The following ATP8B4 variants were observed in gnomAD, a reference collection of about 807,000 sequenced individuals.
The protein encoded by ATP8B4 is ATPase phospholipid transporting 8B4 (putative).
ATP8B4 carries 133 observed loss-of-function variants against 145.6 expected under a neutral mutation model. That is an observed-to-expected ratio of 0.91 (90% CI 0.79 to 1.05). The LOEUF is 1.05. Among genes scored for constraint, ATP8B4 ranks in the 50% least tolerant of loss-of-function variants. ATP8B4 has a pLI of 0.00. For missense variants in ATP8B4, 1,458 were observed against 1,425.2 expected (o/e 1.02, Z -0.37); for synonymous variants, 507 against 492.9 (o/e 1.03, Z -0.38).
intron 3 of ATP8B4, among the ~76,000 whole-genome samples, chr15:50,073,490 T>A (rs539371930): frequency 6.6e-6 from 1 of 152,294 alleles, no homozygotes; most frequent in East Asian, 1.9e-4. Flanking sequence ...TATGCCCAAA[T>A]CATGGGCATT....
intron 23 of ATP8B4, among the ~76,000 whole-genome samples, chr15:49,888,263 C>T (rs1267189649): frequency 6.6e-6 from 1 of 152,164 alleles, no homozygotes; most frequent in Non-Finnish European, 1.5e-5. Context: ...CAGGTGGAGA[C>T]GGGCTCACAG....
chr15:50,157,887 T>C (rs1408710374), intron 1 of ATP8B4, among the ~76,000 whole-genome samples: 6 of 152,216 alleles, frequency 3.9e-5, no homozygotes, highest in African/African-American at 1.4e-4. Context: ...GCCCAGTGCC[T>C]GCGATTGCAG....
At chr15:50,002,767 C>G (rs1599740250) in intron 7 of ATP8B4, among the ~76,000 whole-genome samples, 1 of 151,756 alleles carries the variant, frequency 6.6e-6, no homozygotes, top group Non-Finnish European at 1.5e-5. Flanking sequence ...AAGAGGAGAG[C>G]TAAGATAAAG....
chr15:50,110,524 T>C (rs2056886622), intron 1 of ATP8B4, among the ~76,000 whole-genome samples: 1 of 152,160 alleles, frequency 6.6e-6, no homozygotes, highest in South Asian at 2.1e-4. Flanking sequence ...TTAAACAAAA[T>C]CAGTTGAAAG....
At chr15:50,128,777 AG>A (rs1367444833) in intron 1 of ATP8B4, among the ~76,000 whole-genome samples, 1 of 152,230 alleles carries the variant, frequency 6.6e-6, no homozygotes, top group Admixed American at 6.5e-5. Flanking sequence ...AAAGTTAAGT[AG>A]GCTGGGCGCA....
At chr15:49,989,682 G>A (rs1473931785) in intron 9 of ATP8B4, among the ~76,000 whole-genome samples, 1 of 152,032 alleles carries the variant, frequency 6.6e-6, no homozygotes, top group African/African-American at 2.4e-5. Context: ...CTTTCTCAAA[G>A]AGTGTGGTCT....
chr15:50,156,107 A>AATATATTTATATAT (rs1567410586), intron 1 of ATP8B4, among the ~76,000 whole-genome samples: 1 of 27,116 alleles, frequency 3.7e-5, no homozygotes, highest in Non-Finnish European at 8.4e-5. Context: ...TATATATATA[A>AATATATTTATATAT]ATATATATAT....
In ATP8B4 at chr15:49,918,831, C is replaced by A. The variant is rs369353211; in HGVS notation, c.2035+8G>T. 1.3e-6 allele frequency: 2 copies of A among 1,582,328 alleles called. No homozygotes were observed. The highest frequency in any genetic ancestry group is 1.4e-5 in the African/African-American group (1 of 73,992). On this transcript the variant is annotated splice_region_variant and intron_variant, in intron 19 of 27. Transcript: ENST00000284509. ...TCAAAATATCATCAACATCCATTTT[C>A]AAGTTACCTTGTTTGTCTCCTGTTA...
At chr15:50,124,611 GAA>G (rs56206515) in intron 1 of ATP8B4, among the ~76,000 whole-genome samples, 1 of 151,048 alleles carries the variant, frequency 6.6e-6, no homozygotes, top group African/African-American at 2.4e-5. Context: ...TTTTTAAAAA[GAA>G]AAAAAAAGAT....
At position 49,983,216 on chromosome 15, in the gene ATP8B4, A is replaced by G. The variant is rs77815043; in HGVS notation, c.749-1922T>C. On this transcript the variant is annotated intron_variant, in intron 10 of 27. Coordinates refer to ENST00000284509, the MANE Select transcript of ATP8B4 (RefSeq NM_024837.4). ...CTGTTCCTCTGAGCTTTAAATCTAT[A>G]TATTTAAACCTACGTATTTTGTTGC... Among the ~76,000 whole-genome samples, 1,034 of 152,292 alleles carry G rather than the reference A, an allele frequency of 6.8e-3. 18 individuals carry two copies. The highest frequency in any genetic ancestry group is 0.024 in the African/African-American group (979 of 41,560).
chr15:49,913,506 G>T (rs977672223), intron 20 of ATP8B4, among the ~76,000 whole-genome samples: 1 of 151,996 alleles, frequency 6.6e-6, no homozygotes, highest in African/African-American at 2.4e-5. Context: ...CAACATAACT[G>T]AAATTCCTAG....
At chr15:49,876,625 C>T in intron 24 of ATP8B4, 102 bp from the exon 25 acceptor site, 1 of 1,456,490 alleles carries the variant, frequency 6.9e-7, no homozygotes, top group Non-Finnish European at 9.5e-7. Context: ...TAAACATGTC[C>T]TAAAATGCAC....
intron 25 of ATP8B4, among the ~76,000 whole-genome samples, chr15:49,871,519 A>C (rs1042180680): frequency 6.6e-6 from 1 of 152,166 alleles, no homozygotes; most frequent in Non-Finnish European, 1.5e-5. Context: ...GCATGGTATC[A>C]CTCATGGTGG....
intron 2 of ATP8B4, among the ~76,000 whole-genome samples, chr15:50,086,260 TTATA>T (rs2055051497): frequency 1.0e-5 from 1 of 95,346 alleles, no homozygotes; most frequent in Non-Finnish European, 1.8e-5. Flanking sequence ...TCTATATTTA[TTATA>T]TATAATAAAA....
chr15:49,951,210 G>T (rs893634459), intron 14 of ATP8B4, among the ~76,000 whole-genome samples: 1 of 152,204 alleles, frequency 6.6e-6, no homozygotes, highest in African/African-American at 2.4e-5. Context: ...ACATCTACTA[G>T]TTCCACTTGA....
In ATP8B4 at chr15:49,967,066, T is replaced by C. The variant is rs565296177; in HGVS notation, c.1244-5046A>G. ...AGGAAAACTAACAAACAGAAGTGAA[T>C]AGCATCAACATCAACAAAAAGGACA... On this transcript the variant is annotated intron_variant, in intron 13 of 27. Coordinates refer to ENST00000284509, the MANE Select transcript of ATP8B4 (RefSeq NM_024837.4). Among the ~76,000 whole-genome samples, 12 of 152,160 alleles carry C rather than the reference T, an allele frequency of 7.9e-5. No homozygotes were observed. The East Asian group carries it at 2.1e-3, about 27-fold the overall frequency.
At chr15:50,161,072 C>G (rs973658203) in intron 1 of ATP8B4, among the ~76,000 whole-genome samples, 1 of 152,016 alleles carries the variant, frequency 6.6e-6, no homozygotes, top group Non-Finnish European at 1.5e-5. Flanking sequence ...TGCATATATA[C>G]TTAAAATTGT....
chr15:50,180,368 C>T (rs1032348157), intron 1 of ATP8B4, among the ~76,000 whole-genome samples: 3 of 152,192 alleles, frequency 2.0e-5, no homozygotes, highest in African/African-American at 7.2e-5. Flanking sequence ...CAGGTGTCAG[C>T]ATTTAAAATC....
intron 1 of ATP8B4, among the ~76,000 whole-genome samples, chr15:50,160,503 TA>T (rs2044501866): frequency 6.6e-6 from 1 of 152,036 alleles, no homozygotes; most frequent in African/African-American, 2.4e-5. Context: ...CTACTTTTTT[TA>T]ATGTAGATAC....
Sources: gnomAD v4.1 joint callset for allele counts (sites outside exome capture counted in the v4.1 genomes callset) on GRCh38, gnomAD v4.1.1 for gene constraint, MANE v1.5 for transcripts, NCBI Gene and HGNC (gene_info 2026-07-23, HGNC 2026-07-21) for gene names.